NEO1: variants seen among roughly 807,000 people sequenced by gnomAD.
NEO1 encodes the protein neogenin 1, also known as neogenin.
A neutral mutation model predicts 159.7 loss-of-function variants in NEO1; 63 were observed. That is an observed-to-expected ratio of 0.39 (90% confidence interval 0.32 to 0.49). The LOEUF (loss-of-function observed/expected upper bound fraction) is 0.49, where lower values mean the gene tolerates loss of function less well. Ranked by LOEUF, NEO1 falls within the 20% of genes least tolerant of loss-of-function variation. The pLI, the probability that NEO1 is intolerant of heterozygous loss-of-function variation, is 0.85. For synonymous variants in NEO1, 633 were observed against 662.0 expected (o/e 0.96, Z 0.67); for missense variants, 1,615 against 1,831.0 (o/e 0.88, Z 2.15).
chr15:73,243,047 G>T (rs772753011), intron 8 of NEO1, among the ~76,000 whole-genome samples: 50 of 152,148 alleles, frequency 3.3e-4, no homozygotes, highest in Non-Finnish European at 6.3e-4. Flanking sequence ...TAAATCCTGT[G>T]ATTGAGAGAT....
intron 1 of NEO1, among the ~76,000 whole-genome samples, chr15:73,088,862 T>A (rs1340722043): frequency 6.6e-6 from 1 of 151,930 alleles, no homozygotes; most frequent in Admixed American, 6.6e-5. Context: ...GAGAGTAAAG[T>A]CTTGAGGCTA....
chr15:73,200,099 G>A (rs374005335), intron 7 of NEO1, among the ~76,000 whole-genome samples: 15 of 152,276 alleles, frequency 9.9e-5, no homozygotes, highest in African/African-American at 3.1e-4. Context: ...CGAAAAGATT[G>A]TAGAGCTTGG....
intron 5 of NEO1, among the ~76,000 whole-genome samples, chr15:73,143,880 C>T (rs1310270537): frequency 6.6e-6 from 1 of 152,164 alleles, no homozygotes; most frequent in Non-Finnish European, 1.5e-5. Context: ...TCTCTTTTTA[C>T]CAGTAGTATT....
intron 1 of NEO1, among the ~76,000 whole-genome samples, chr15:73,056,579 G>A (rs760319818): frequency 2.0e-5 from 3 of 152,162 alleles, no homozygotes; most frequent in Non-Finnish European, 4.4e-5. Flanking sequence ...TTAACCCGTA[G>A]GGCCATACAG....
chr15:73,104,867 A>C, intron 1 of NEO1, among the ~76,000 whole-genome samples: 1 of 152,042 alleles, frequency 6.6e-6, no homozygotes, highest in Non-Finnish European at 1.5e-5. Context: ...ACACACTTTT[A>C]AACAACCAGG....
intron 7 of NEO1, among the ~76,000 whole-genome samples, chr15:73,214,146 C>T (rs1272611932): frequency 2.6e-5 from 4 of 151,926 alleles, no homozygotes; most frequent in Admixed American, 1.3e-4. Flanking sequence ...AATTTTTTGT[C>T]GATTCTGGAT....
Position 73,260,587 on chromosome 15 carries a change from A to G in NEO1, c.2398+122A>G, listed in dbSNP as rs1003941669. The G allele has an allele frequency of 2.3e-5, 19 of 844,124 alleles. No individual in the cohort carries two copies. In the Middle Eastern group the frequency reaches 1.1e-3, roughly 49 times the overall value. The allele number at this position is 844,124 out of a possible 1,614,324, so 52.3% of individuals were successfully genotyped here. On this transcript the variant is annotated intron_variant, in intron 15 of 28. Coordinates refer to ENST00000261908, the MANE Select transcript of NEO1 (RefSeq NM_002499.4). ...ATAGTACAAGTAATTTCTGCATGTT[A>G]TTCACCTGAATTCCCCAAATGTTAA...
At chr15:73,223,588 A>G (rs568005348) in intron 7 of NEO1, among the ~76,000 whole-genome samples, 59 of 152,284 alleles carry the variant, frequency 3.9e-4, no homozygotes, top group African/African-American at 1.4e-3. Context: ...TTTGTCTGAT[A>G]TAAGAATAGC....
At chr15:73,187,778 C>G (rs1158779724) in intron 7 of NEO1, among the ~76,000 whole-genome samples, 1 of 152,158 alleles carries the variant, frequency 6.6e-6, no homozygotes, top group Non-Finnish European at 1.5e-5. Flanking sequence ...ATCCTTACAT[C>G]AGTGTTTCCC....
rs752444138 is a variant in NEO1 at position 73,176,599 on chromosome 15, T to C, written c.1170+42T>C. 6.7e-6 allele frequency: 10 copies of C among 1,495,284 alleles called. No individual in the cohort carries two copies. The Admixed American group carries it at 1.4e-4, about 20-fold the overall frequency. 92.6% of individuals were successfully genotyped at this position (1,495,284 alleles called of 1,614,324 possible). On this transcript the variant is annotated intron_variant, in intron 6 of 28. Transcript: ENST00000261908. ...GAAGTGTGTTTATTTCTGTAACCTT[T>C]AGATATTTTTAAATGTAGTCACCGA... is the stretch of plus-strand genomic sequence containing the variant.
At chr15:73,262,290 A>C (rs1422138284) in intron 15 of NEO1, among the ~76,000 whole-genome samples, 1 of 152,180 alleles carries the variant, frequency 6.6e-6, no homozygotes, top group South Asian at 2.1e-4. Flanking sequence ...TAAAACTTCT[A>C]CTTTTAGAAA....
chr15:73,293,150 A>C (rs184114437), intron 25 of NEO1, among the ~76,000 whole-genome samples: 2 of 152,322 alleles, frequency 1.3e-5, no homozygotes, highest in Admixed American at 1.3e-4. Context: ...TTAACATTTT[A>C]GTGTATATTC....
At chr15:73,083,844 A>G (rs1230043784) in intron 1 of NEO1, among the ~76,000 whole-genome samples, 1 of 152,122 alleles carries the variant, frequency 6.6e-6, no homozygotes, top group Non-Finnish European at 1.5e-5. Flanking sequence ...TAGATTATAG[A>G]TAAACTTTTT....
At chr15:73,137,743 C>T (rs145228921) in intron 5 of NEO1, among the ~76,000 whole-genome samples, 3,259 of 152,262 alleles carry the variant, frequency 0.021, 115 homozygotes, top group African/African-American at 0.072. Context: ...GTGATCCACC[C>T]GCCTCGGCCT....
chr15:73,286,265 T>G (rs888393222), intron 23 of NEO1, among the ~76,000 whole-genome samples: 3 of 152,234 alleles, frequency 2.0e-5, no homozygotes, highest in Non-Finnish European at 4.4e-5. Flanking sequence ...CAGCGACCTG[T>G]GTATTGCTAA....
At chr15:73,246,374 C>T (rs955363347) in intron 9 of NEO1, among the ~76,000 whole-genome samples, 5 of 152,064 alleles carry the variant, frequency 3.3e-5, no homozygotes, top group African/African-American at 9.7e-5. Flanking sequence ...TCATTACAGG[C>T]AGAATGTTGA....
At chr15:73,274,796 CTT>C (rs201909530) in intron 21 of NEO1, 72 bp downstream of exon 21, 29,707 of 1,023,964 alleles carry the variant, frequency 0.029, no homozygotes, top group South Asian at 0.043. Context: ...GTTTTTGTTT[CTT>C]TTTTTTTTTT....
rs758299130 is a variant in NEO1 at position 73,249,174 on chromosome 15, T to G, written c.1721T>G (p.Leu574Trp). ...SGNGEIQNYKLYYMEKGTDKE... is the reference protein window; with the variant it reads ...SGNGEIQNYKWYYMEKGTDKE... ...AATGGGGAAATTCAGAATTATAAAT[T>G]GTACTACATGGAAAAGGGGACTGAT... Residue 574 changes from leucine (L) to tryptophan (W), a missense_variant, in exon 10 of 29, where the codon TTG becomes TGG. By Grantham distance (61) the Leu-to-Trp change is moderately conservative. Around this residue, in one of 3 missense-constraint regions of NEO1, gnomAD observed 1,018 missense variants for 1,115.4 expected, o/e 0.91. Transcript: ENST00000261908. The G allele has an allele frequency of 1.9e-6, 3 of 1,614,040 alleles. No individual in the cohort carries two copies. In the South Asian group the frequency reaches 3.3e-5, roughly 18 times the overall value.
intron 5 of NEO1, among the ~76,000 whole-genome samples, chr15:73,176,066 A>C (rs565140713): frequency 6.6e-6 from 1 of 152,336 alleles, no homozygotes; most frequent in Non-Finnish European, 1.5e-5. Context: ...AGCTCTTAAA[A>C]AATGGTATAA....
Sources: allele counts gnomAD v4.1 joint callset (sites outside exome capture counted in the v4.1 genomes callset), GRCh38; gene constraint gnomAD v4.1.1; regional missense constraint gnomAD v4.1.1; transcripts MANE v1.5; gene names NCBI Gene and HGNC (gene_info 2026-07-23, HGNC 2026-07-21).